Variants in ACTR3C observed in about 807,000 individuals in gnomAD.
ACTR3C encodes actin related protein 3C, also known as actin-related protein 3C.
A neutral mutation model predicts 26.3 loss-of-function variants in ACTR3C; 18 were observed. That is an observed-to-expected ratio of 0.68 (90% CI 0.47 to 1.01). ACTR3C has a LOEUF of 1.01. ACTR3C is among the 50% of genes least tolerant of loss of function. The probability of loss-of-function intolerance (pLI) is 0.00; values close to 1 mark genes in which losing one functional copy is unlikely to be tolerated. For synonymous variants in ACTR3C, 55 were observed against 94.5 expected (o/e 0.58, Z 2.42); for missense variants, 184 against 250.7 (o/e 0.73, Z 1.80).
chr7:150,071,761 G>C, the ACTR3C span, among the ~76,000 whole-genome samples: 1 of 151,862 alleles, frequency 6.6e-6, no homozygotes. Flanking sequence ...AGAGTTGTGG[G>C]CGTTTCAGGT....
At chr7:149,905,929 C>T in the ACTR3C span, among the ~76,000 whole-genome samples, 2 of 151,920 alleles carry the variant, frequency 1.3e-5, no homozygotes, top group African/African-American at 2.4e-5. Flanking sequence ...TGTGACAAAA[C>T]AATTTCTGAT....
the ACTR3C span, among the ~76,000 whole-genome samples, chr7:150,185,400 G>A: frequency 1.3e-5 from 2 of 151,592 alleles, no homozygotes; most frequent in East Asian, 3.9e-4. Context: ...AATAATTACT[G>A]CTTTATGACT....
At chr7:150,278,114 G>A (rs552529131) in intron 6 of ACTR3C, among the ~76,000 whole-genome samples, 12 of 152,014 alleles carry the variant, frequency 7.9e-5, no homozygotes, top group Non-Finnish European at 1.3e-4. Flanking sequence ...GTCCAGGGAG[G>A]CTAAATTCCC....
At chr7:149,942,157 T>C in the ACTR3C span, among the ~76,000 whole-genome samples, 2 of 152,218 alleles carry the variant, frequency 1.3e-5, no homozygotes. Context: ...TGTACATACA[T>C]GTATGCAGTA....
At chr7:150,271,269 A>G (rs1834428795) in intron 6 of ACTR3C, among the ~76,000 whole-genome samples, 1 of 146,244 alleles carries the variant, frequency 6.8e-6, no homozygotes, top group African/African-American at 2.7e-5. Flanking sequence ...TACACGTGCC[A>G]CGGTGGTTTG....
the ACTR3C span, among the ~76,000 whole-genome samples, chr7:149,973,735 G>A: frequency 8.0e-6 from 1 of 125,178 alleles, no homozygotes; most frequent in Non-Finnish European, 2.0e-5. Context: ...ATTTTCCCCT[G>A]TTATAAATAA....
At chr7:149,883,027 T>G in the ACTR3C span, among the ~76,000 whole-genome samples, 1 of 152,212 alleles carries the variant, frequency 6.6e-6, no homozygotes, top group Non-Finnish European at 1.5e-5. Context: ...CACACATGCA[T>G]GTACATCTCA....
the ACTR3C span, among the ~76,000 whole-genome samples, chr7:150,210,623 T>A: frequency 6.8e-6 from 1 of 148,064 alleles, no homozygotes; most frequent in Non-Finnish European, 1.5e-5. Context: ...TGTCAGACTA[T>A]AAAAGACCAC....
chr7:150,035,500 G>A, the ACTR3C span, among the ~76,000 whole-genome samples: 1 of 123,056 alleles, frequency 8.1e-6, no homozygotes, highest in Non-Finnish European at 1.8e-5. Context: ...CGGAAGAGGG[G>A]ATAGCTCTCA....
chr7:150,195,885 A>T, the ACTR3C span, among the ~76,000 whole-genome samples: 4,604 of 152,310 alleles, frequency 0.03, 233 homozygotes, highest in African/African-American at 0.1. Context: ...TCTCAAAAAA[A>T]AATAATAATA....
chr7:149,907,478 T>TTCTCTTCTCTCTCTCTTCTCTCTCTC, the ACTR3C span, among the ~76,000 whole-genome samples: 1 of 97,606 alleles, frequency 1.0e-5, no homozygotes, highest in Non-Finnish European at 2.1e-5. Context: ...CTCTCTTCTC[T>TTCTCTTCTCTCTCTCTTCTCTCTCTC]TCTCTCTCTC....
chr7:149,981,312 A>C, the ACTR3C span, among the ~76,000 whole-genome samples: 1 of 152,038 alleles, frequency 6.6e-6, no homozygotes, highest in African/African-American at 2.4e-5. Context: ...AAGATGCAGC[A>C]GCAAGTGAGC....
chr7:150,246,781 TTTTTG>T (rs112561019), downstream of ACTR3C: 2 of 151,944 alleles, frequency 1.3e-5, no homozygotes, highest in Admixed American at 6.5e-5. Context: ...CCACTTTGGC[TTTTTG>T]TTTTGTTTTG....
At chr7:150,278,605 G>A (rs1045527370) in intron 6 of ACTR3C, among the ~76,000 whole-genome samples, 20 of 152,334 alleles carry the variant, frequency 1.3e-4, no homozygotes, top group Non-Finnish European at 2.1e-4. Context: ...GCAGAGCTCC[G>A]CCATCCACAT....
the ACTR3C span, among the ~76,000 whole-genome samples, chr7:150,052,438 T>C: frequency 6.7e-6 from 1 of 150,220 alleles, no homozygotes; most frequent in Middle Eastern, 3.5e-3. Context: ...ATTGGGTCAA[T>C]TTGGGCTTTT....
chr7:149,971,083 C>A, the ACTR3C span, among the ~76,000 whole-genome samples: 3 of 152,204 alleles, frequency 2.0e-5, no homozygotes, highest in Non-Finnish European at 2.9e-5. Flanking sequence ...AGGAGGCAAC[C>A]GATGGCTCTG....
At chr7:150,161,202 T>TATATATATATATATA in the ACTR3C span, among the ~76,000 whole-genome samples, 2 of 103,004 alleles carry the variant, frequency 1.9e-5, no homozygotes, top group Admixed American at 1.0e-4. Flanking sequence ...AGGAAAGTAT[T>TATATATATATATATA]TATATATATA....
the ACTR3C span, among the ~76,000 whole-genome samples, chr7:150,233,230 A>G: frequency 6.6e-6 from 1 of 150,786 alleles, no homozygotes; most frequent in Non-Finnish European, 1.5e-5. Context: ...TTATTTTAGC[A>G]TTTAAATACT....
chr7:149,945,450 T>C, the ACTR3C span, among the ~76,000 whole-genome samples: 1 of 152,172 alleles, frequency 6.6e-6, no homozygotes, highest in Non-Finnish European at 1.5e-5. Context: ...ACCAAAATGC[T>C]TTCTAAGAAG....
Sources: allele counts gnomAD v4.1 joint callset (sites outside exome capture counted in the v4.1 genomes callset), GRCh38; gene constraint gnomAD v4.1.1; transcripts MANE v1.5; gene names NCBI Gene and HGNC (gene_info 2026-07-23, HGNC 2026-07-21).